Variants in SCAPER observed in about 807,000 individuals in gnomAD.
The protein encoded by SCAPER is S phase cyclin A-associated protein in the endoplasmic reticulum.
Under a neutral mutation model 182.2 loss-of-function variants are expected in SCAPER, and 98 were observed. The ratio of observed to expected loss-of-function variants is 0.54; its 90% CI spans 0.46 to 0.64. SCAPER has a LOEUF of 0.64. Ranked by LOEUF, SCAPER falls within the 30% of genes least tolerant of loss-of-function variation. The pLI is 0.00. For missense variants in SCAPER, 1,432 were observed against 1,690.0 expected, an observed-to-expected ratio of 0.85 and a Z score of 2.68; for synonymous variants, 605 against 564.6, an observed-to-expected ratio of 1.07 and a Z score of -1.01.
At chr15:76,493,445 C>CAT (rs1421652234) in intron 24 of SCAPER, among the ~76,000 whole-genome samples, 1 of 151,970 alleles carries the variant, frequency 6.6e-6, no homozygotes, top group East Asian at 1.9e-4. Flanking sequence ...GAAAGGAAAT[C>CAT]ATATATATTT....
chr15:76,454,641 G>A (rs1268409213), intron 25 of SCAPER, among the ~76,000 whole-genome samples: 1 of 151,856 alleles, frequency 6.6e-6, no homozygotes, highest in African/African-American at 2.4e-5. Context: ...TTAGAATTTT[G>A]ACATCTTGGT....
chr15:76,691,227 T>C (rs954005755), intron 20 of SCAPER, among the ~76,000 whole-genome samples: 1 of 151,956 alleles, frequency 6.6e-6, no homozygotes, highest in African/African-American at 2.4e-5. Flanking sequence ...TTTGATATAA[T>C]TGGAAAAAAA....
intron 14 of SCAPER, among the ~76,000 whole-genome samples, chr15:76,761,167 G>T (rs916649262): frequency 4.6e-5 from 7 of 151,972 alleles, no homozygotes; most frequent in African/African-American, 1.7e-4. Context: ...AGTTCTTTAT[G>T]ATCCTTTTTG....
chr15:76,652,518 T>TACAC (rs71143350), intron 21 of SCAPER, among the ~76,000 whole-genome samples: 5,329 of 88,810 alleles, frequency 0.06, 207 homozygotes, highest in South Asian at 0.094. Flanking sequence ...TTTACATACA[T>TACAC]ACACACACAC....
Position 76,427,991 on chromosome 15 carries a change from T to C in SCAPER, c.3311+6087A>G, listed in dbSNP as rs77257040. ...TGTTTGCACCTGTAGTCCCATCTAT[T>C]TGGGAGGCTGATTTTGGAGGATTGC... On this transcript the variant is annotated intron_variant, in intron 26 of 31. Transcript: ENST00000563290. Among the ~76,000 whole-genome samples, 139 of 151,938 alleles carry C rather than the reference T, an allele frequency of 9.1e-4. 1 individual carries two copies. The East Asian group carries it at 0.023, about 26-fold the overall frequency.
chr15:76,684,002 T>G (rs549625400), intron 20 of SCAPER, among the ~76,000 whole-genome samples: 16 of 152,070 alleles, frequency 1.1e-4, no homozygotes, highest in Admixed American at 2.0e-4. Flanking sequence ...AAGACCCTTT[T>G]CAGACAAACA....
intron 14 of SCAPER, among the ~76,000 whole-genome samples, chr15:76,761,300 T>C (rs1220387089): frequency 6.6e-6 from 1 of 152,172 alleles, no homozygotes; most frequent in Non-Finnish European, 1.5e-5. Context: ...GTTGATTTTT[T>C]CCCATCGTTT....
rs76432704 is a variant in SCAPER, at chr15:76,738,757, C to T, written c.1867-5373G>A. Among the ~76,000 whole-genome samples, 29 of 152,100 alleles carry T rather than the reference C, an allele frequency of 1.9e-4. No homozygotes were observed. The East Asian group carries it at 5.6e-3, about 29-fold the overall frequency. ...GGCTCATGGCACCCCAAAACAATTACAATAGTAACTCCAAAGATCACTTAT... is the reference window on the plus strand; with the variant it reads ...GGCTCATGGCACCCCAAAACAATTATAATAGTAACTCCAAAGATCACTTAT... On this transcript the variant is annotated intron_variant, in intron 15 of 31. Coordinates refer to ENST00000563290, the MANE Select transcript of SCAPER (RefSeq NM_020843.4).
chr15:76,613,432 TAAACTAAAGG>T (rs1158388248), intron 22 of SCAPER, among the ~76,000 whole-genome samples: 1 of 152,078 alleles, frequency 6.6e-6, no homozygotes, highest in African/African-American at 2.4e-5. Flanking sequence ...GGTATCTCAT[TAAACTAAAGG>T]GCTTCTGAAC....
intron 2 of SCAPER, 52 bp from the exon 3 acceptor site, chr15:76,862,585 A>G (rs896048455): frequency 1.2e-5 from 14 of 1,121,896 alleles, no homozygotes; most frequent in African/African-American, 1.1e-4. Context: ...GTCAAAATAT[A>G]TATTTAACAA....
intron 2 of SCAPER, among the ~76,000 whole-genome samples, chr15:76,873,341 G>A (rs2072903513): frequency 1.4e-5 from 1 of 71,354 alleles, no homozygotes. Flanking sequence ...AAGGCAGGCA[G>A]GCAGGCAGGC....
At chr15:76,607,612 T>C (rs960935882) in intron 22 of SCAPER, among the ~76,000 whole-genome samples, 3 of 152,224 alleles carry the variant, frequency 2.0e-5, no homozygotes, top group South Asian at 2.1e-4. Flanking sequence ...TGCAGAGTGT[T>C]TTCCAACTTG....
chr15:76,550,885 T>C (rs1035654274), intron 23 of SCAPER, among the ~76,000 whole-genome samples: 1 of 152,140 alleles, frequency 6.6e-6, no homozygotes, highest in Non-Finnish European at 1.5e-5. Context: ...ATAATCGCCA[T>C]TCTGACTGGT....
chr15:76,358,009 G>A lies in SCAPER; in HGVS notation c.3856-3869C>T, dbSNP rs765046708. 3.3e-5 allele frequency among the ~76,000 whole-genome samples: 5 copies of A among 152,166 alleles called. 1 individual carries two copies. In the South Asian group the frequency reaches 8.3e-4, roughly 25 times the overall value. On this transcript the variant is annotated intron_variant, in intron 29 of 31. Transcript: ENST00000563290. Reference sequence around the variant, plus strand: ...TACAACGTATACTATTCAGGTGACTGTTACACTAAAAGCCCAGACTTCATC... The same window carrying A: ...TACAACGTATACTATTCAGGTGACTATTACACTAAAAGCCCAGACTTCATC...
chr15:76,362,327 G>T (rs888174831), intron 29 of SCAPER, among the ~76,000 whole-genome samples: 10 of 151,604 alleles, frequency 6.6e-5, no homozygotes, highest in African/African-American at 2.4e-4. Flanking sequence ...ACTTATATGG[G>T]AATAGTTTAT....
chr15:76,820,202 C>A lies in SCAPER; in HGVS notation c.394-15569G>T, dbSNP rs575750758. ...GTGGCGATTCCTCAGGGATCTAGAA[C>A]TAGAAATACCATTTGACCCAGCCAT... On this transcript the variant is annotated intron_variant, in intron 5 of 31. Transcript: ENST00000563290. Among the ~76,000 whole-genome samples the A allele has an allele frequency of 6.6e-5, 10 of 152,154 alleles. No homozygotes were observed. The South Asian group carries it at 1.7e-3, about 25-fold the overall frequency.
intron 27 of SCAPER, among the ~76,000 whole-genome samples, chr15:76,392,668 T>C (rs1468069130): frequency 3.3e-5 from 5 of 152,142 alleles, no homozygotes; most frequent in East Asian, 1.9e-4. Context: ...GGAGGATAGA[T>C]TGAGCCTGGA....
intron 23 of SCAPER, among the ~76,000 whole-genome samples, chr15:76,550,564 T>C (rs1019638558): frequency 1.3e-5 from 2 of 152,248 alleles, no homozygotes; most frequent in African/African-American, 2.4e-5. Flanking sequence ...ATGGTGTTAA[T>C]GTACCACATT....
intron 8 of SCAPER, among the ~76,000 whole-genome samples, chr15:76,783,149 G>A (rs1257564889): frequency 1.3e-5 from 2 of 151,896 alleles, no homozygotes; most frequent in Admixed American, 1.3e-4. Flanking sequence ...GACTAACAAA[G>A]AAGAAAAGAG....
Sources: gnomAD v4.1 joint callset for allele counts (sites outside exome capture counted in the v4.1 genomes callset) on GRCh38, gnomAD v4.1.1 for gene constraint, MANE v1.5 for transcripts, NCBI Gene and HGNC (gene_info 2026-07-23, HGNC 2026-07-21) for gene names.